Variants in RPH3A observed in about 807,000 individuals in gnomAD.
The protein encoded by RPH3A is rabphilin 3A.
A neutral mutation model predicts 102.2 loss-of-function variants in RPH3A; 48 were observed. The observed-to-expected ratio is 0.47, with a 90% CI of 0.37 to 0.60. RPH3A has a LOEUF of 0.60. RPH3A is among the 20% of genes least tolerant of loss of function. The probability of loss-of-function intolerance (pLI) is 0.00; values close to 1 mark genes in which losing one functional copy is unlikely to be tolerated. For synonymous variants in RPH3A, 310 were observed against 324.3 expected (o/e 0.96, Z 0.47); for missense variants, 781 against 910.1 (o/e 0.86, Z 1.83).
intron 13 of RPH3A, among the ~76,000 whole-genome samples, chr12:112,877,368 C>A (rs2042821182): frequency 6.7e-6 from 1 of 149,306 alleles, no homozygotes; most frequent in South Asian, 2.1e-4. Context: ...CCTATCCCAC[C>A]CAGGCCCCAA....
chr12:112,803,936 C>T (rs1309267301), intron 2 of RPH3A, among the ~76,000 whole-genome samples: 1 of 152,210 alleles, frequency 6.6e-6, no homozygotes, highest in African/African-American at 2.4e-5. Context: ...TAGTACCTCC[C>T]TCATAGAGTG....
chr12:112,662,435 C>G (rs1209547567), intron 1 of RPH3A, among the ~76,000 whole-genome samples: 2 of 152,160 alleles, frequency 1.3e-5, no homozygotes, highest in African/African-American at 4.8e-5. Context: ...ATTTATAGAT[C>G]AGGAACCCAA....
At chr12:112,747,417 C>A (rs1042355013) in intron 1 of RPH3A, among the ~76,000 whole-genome samples, 3 of 152,192 alleles carry the variant, frequency 2.0e-5, no homozygotes, top group African/African-American at 7.2e-5. Flanking sequence ...GACTTTCCAG[C>A]CTCCAGAACT....
chr12:112,633,375 G>A (rs1188085092), intron 1 of RPH3A, among the ~76,000 whole-genome samples: 9 of 152,298 alleles, frequency 5.9e-5, no homozygotes. Context: ...GTATCAAGAG[G>A]TGGGGCCTTT....
At chr12:112,645,202 G>A (rs1217267191) in intron 1 of RPH3A, among the ~76,000 whole-genome samples, 2 of 152,114 alleles carry the variant, frequency 1.3e-5, no homozygotes, top group Middle Eastern at 3.2e-3. Flanking sequence ...AGGCAACATT[G>A]ATTTTAATAT....
chr12:112,733,246 A>G (rs113506738), intron 1 of RPH3A, among the ~76,000 whole-genome samples: 290 of 152,226 alleles, frequency 1.9e-3, no homozygotes, highest in African/African-American at 6.8e-3. Context: ...CATCTGAACA[A>G]ATACTTTCAC....
At position 112,815,362 on chromosome 12, in the gene RPH3A, C is replaced by T. The variant is rs370802832; in HGVS notation, c.-18-12939C>T. On this transcript the variant is annotated intron_variant, in intron 2 of 21. Coordinates refer to ENST00000389385, the MANE Select transcript of RPH3A (RefSeq NM_001143854.2). The stretch of plus-strand genomic sequence containing the variant: ...ATGTTTAACCCAACAAATAATAGAG[C>T]AGGAGAGTCAGGAGCCTCATTTATA... 5.9e-4 allele frequency among the ~76,000 whole-genome samples: 90 copies of T among 152,310 alleles called. No homozygotes were observed. In the South Asian group the frequency reaches 0.016, roughly 28 times the overall value.
At chr12:112,645,606 A>C (rs2039923334) in intron 1 of RPH3A, among the ~76,000 whole-genome samples, 1 of 152,140 alleles carries the variant, frequency 6.6e-6, no homozygotes, top group Non-Finnish European at 1.5e-5. Context: ...AAGCAAAGTG[A>C]GCTCTCCTCT....
At chr12:112,723,137 G>A (rs1486497464) in intron 1 of RPH3A, among the ~76,000 whole-genome samples, 2 of 152,130 alleles carry the variant, frequency 1.3e-5, no homozygotes, top group Admixed American at 6.5e-5. Context: ...TGGCCCTTGA[G>A]CAGTGTAGGG....
chr12:112,715,353 C>T (rs2136039079), intron 1 of RPH3A, among the ~76,000 whole-genome samples: 1 of 152,234 alleles, frequency 6.6e-6, no homozygotes, highest in Non-Finnish European at 1.5e-5. Context: ...TTATATTTTC[C>T]TCAAGGTACT....
chr12:112,633,976 G>A (rs2039826530), intron 1 of RPH3A, among the ~76,000 whole-genome samples: 1 of 152,150 alleles, frequency 6.6e-6, no homozygotes, highest in Admixed American at 6.5e-5. Context: ...AAGTCAAGAT[G>A]GGAAGCAAAC....
At chr12:112,785,866 C>G (rs2041046259) in intron 1 of RPH3A, among the ~76,000 whole-genome samples, 1 of 152,200 alleles carries the variant, frequency 6.6e-6, no homozygotes, top group Admixed American at 6.5e-5. Context: ...TCACTTTGGG[C>G]TGGACGTTTT....
intron 1 of RPH3A, among the ~76,000 whole-genome samples, chr12:112,609,758 C>T (rs1366339689): frequency 6.6e-6 from 1 of 152,272 alleles, no homozygotes; most frequent in Middle Eastern, 3.4e-3. Context: ...CATCTTGATG[C>T]CTATTGTTCA....
chr12:112,790,902 G>A (rs1298725568), upstream of RPH3A, among the ~76,000 whole-genome samples: 3 of 152,154 alleles, frequency 2.0e-5, no homozygotes, highest in Non-Finnish European at 4.4e-5. Flanking sequence ...TTTAGGACAG[G>A]TTATGGACCA....
At chr12:112,672,156 A>G (rs575546360) in intron 1 of RPH3A, among the ~76,000 whole-genome samples, 1 of 151,974 alleles carries the variant, frequency 6.6e-6, no homozygotes, top group Non-Finnish European at 1.5e-5. Flanking sequence ...TTGGAGATTC[A>G]GGCAAGAGTT....
intron 1 of RPH3A, among the ~76,000 whole-genome samples, chr12:112,784,147 G>A (rs545272725): frequency 6.6e-6 from 1 of 152,124 alleles, no homozygotes; most frequent in Non-Finnish European, 1.5e-5. Context: ...CTGGGGTGGC[G>A]GTGGGTAGAA....
chr12:112,896,672 T>C lies in RPH3A; in HGVS notation c.1977T>C (p.Ser659=). 3 of 1,614,144 alleles carry C rather than the reference T, an allele frequency of 1.9e-6. No homozygotes were observed. Among genetic ancestry groups the C allele is most frequent in the Non-Finnish European group, 2.5e-6 (3 of 1,180,016 alleles). Residue 659 remains serine (S), a synonymous_variant, in exon 22 of 22, where the codon TCT becomes TCC. Transcript: ENST00000389385. The part of the protein sequence containing the change: ...DYIGGCQLGI[S]AKGERLKHWY... ...CAGGAGGCTGCCAGCTGGGGATCTC[T>C]GCCAAGGGAGAGCGCTTAAAACACT...
intron 1 of RPH3A, among the ~76,000 whole-genome samples, chr12:112,648,598 A>AAAAAAAAAAAAAAAAAAG (rs2039950923): frequency 1.4e-5 from 2 of 141,922 alleles, no homozygotes; most frequent in Non-Finnish European, 1.5e-5. Context: ...AAAAAAAAAA[A>AAAAAAAAAAAAAAAAAAG]GCTAGGTGTT....
chr12:112,890,873 G>A lies in RPH3A; in HGVS notation c.1645G>A (p.Glu549Lys), dbSNP rs140744398. The A allele has an allele frequency of 2.0e-5, 32 of 1,613,932 alleles. No individual in the cohort carries two copies. The South Asian group carries it at 2.3e-4, about 12-fold the overall frequency. Reference protein sequence around the residue: ...EEQVERVGDIEERGKILVSLM... With the variant: ...EEQVERVGDIKERGKILVSLM... ...GCAGGTGGAGCGTGTTGGTGACATC[G>A]AGGAGCGTGGCAAGATCCTGGTCTC... is the stretch of plus-strand genomic sequence containing the variant. Residue 549 changes from glutamate (E) to lysine (K), a missense_variant, in exon 19 of 22, where the codon GAG becomes AAG. This residue lies in a region of RPH3A where 730 missense variants were observed against 810.0 expected (regional missense o/e 0.90). Transcript: ENST00000389385.
Sources: allele counts gnomAD v4.1 joint callset (sites outside exome capture counted in the v4.1 genomes callset), GRCh38; gene constraint gnomAD v4.1.1; regional missense constraint gnomAD v4.1.1; transcripts MANE v1.5; gene names NCBI Gene and HGNC (gene_info 2026-07-23, HGNC 2026-07-21).